Variants in RP1L1 observed in about 807,000 individuals in gnomAD.
The protein encoded by RP1L1 is RP1 like 1.
RP1L1 carries 27 observed loss-of-function variants against 15.7 expected under a neutral mutation model. The observed-to-expected ratio is 1.72, with a 90% CI of 1.27 to 2.38. RP1L1 has a LOEUF of 2.38. Among genes scored for constraint, RP1L1 ranks in the 30% most tolerant of loss-of-function variants. The pLI, the probability that RP1L1 is intolerant of heterozygous loss-of-function variation, is 0.00. For missense variants in RP1L1, 4,798 were observed against 3,075.9 expected (o/e 1.56, Z -13.24); for synonymous variants, 1,813 against 1,276.7 (o/e 1.42, Z -8.96).
intron 2 of RP1L1, among the ~76,000 whole-genome samples, chr8:10,617,270 G>A (rs974859780): frequency 6.6e-6 from 1 of 152,060 alleles, no homozygotes; most frequent in Non-Finnish European, 1.5e-5. Context: ...CTGCAGATCT[G>A]AGGGTTTGCA....
Position 10,651,676 on chromosome 8 carries a change from G to A in RP1L1, c.-20+3222C>T, listed in dbSNP as rs554286230. Among the ~76,000 whole-genome samples, 242 of 150,300 alleles carry A rather than the reference G, an allele frequency of 1.6e-3. 1 individual carries two copies. Among genetic ancestry groups the A allele is most frequent in the African/African-American group, 5.6e-3 (230 of 40,792 alleles). ...GGAGGCTGAGGCAGGAGAATCCCTT[G>A]AACTCAGGAGGCGGAGGCTGCAGTG... On this transcript the variant is annotated intron_variant, in intron 1 of 3. Transcript: ENST00000382483.
intron 1 of RP1L1, among the ~76,000 whole-genome samples, chr8:10,651,598 G>T (rs1000981552): frequency 1.3e-5 from 2 of 151,730 alleles, no homozygotes; most frequent in Non-Finnish European, 2.9e-5. Flanking sequence ...GTGGTGTCAC[G>T]TGCCTGTAGT....
Position 10,606,953 on chromosome 8 carries a change from G to A in RP1L1, c.7145C>T (p.Ala2382Val), listed in dbSNP as rs562953098. ...TGCCCTGCCCACTGCCTCAGTGGGG[G>A]CGAGACTTCCGAGTGCCTGGTCCTC... Reference protein sequence around the residue: ...LQEDQALGSLAPTEAVGRADG... With the variant: ...LQEDQALGSLVPTEAVGRADG... Residue 2382 changes from alanine to valine, a missense_variant, in exon 4 of 4, where the codon GCC becomes GTC. Ala to Val is a moderately conservative substitution (Grantham distance 64). Transcript: ENST00000382483. The A allele has an allele frequency of 3.4e-4, 543 of 1,614,244 alleles. 12 individuals carry two copies. The South Asian group carries it at 5.7e-3, about 17-fold the overall frequency.
At position 10,615,065 on chromosome 8, in the gene RP1L1, C is replaced by T. The variant is rs556524265; in HGVS notation, c.751+1381G>A. Among the ~76,000 whole-genome samples the T allele has an allele frequency of 6.6e-5, 10 of 152,308 alleles. No individual in the cohort carries two copies. The East Asian group carries it at 1.7e-3, about 26-fold the overall frequency. ...AGAAGATGGCTTTGCCCAGTCCTGGCCCTCCACAGGGACCAAATGAGACTG... is the reference window on the plus strand; with the variant it reads ...AGAAGATGGCTTTGCCCAGTCCTGGTCCTCCACAGGGACCAAATGAGACTG... On this transcript the variant is annotated intron_variant, in intron 3 of 3. Coordinates refer to ENST00000382483, the MANE Select transcript of RP1L1 (RefSeq NM_178857.6).
chr8:10,615,127 C>T (rs1797944393), intron 3 of RP1L1, among the ~76,000 whole-genome samples: 1 of 152,144 alleles, frequency 6.6e-6, no homozygotes, highest in Non-Finnish European at 1.5e-5. Context: ...GTAAACTGTC[C>T]TTGTGCCTCC....
rs570304115 is a variant in RP1L1 at position 10,625,764 on chromosome 8, G to A, written c.-19-2544C>T. ...AGGAGCAGAGGGCCTGGCAGGAAGC[G>A]GGGAGCTGTGGTGGGTGGTCTCAGT... On this transcript the variant is annotated intron_variant, in intron 1 of 3. Coordinates refer to ENST00000382483, the MANE Select transcript of RP1L1 (RefSeq NM_178857.6). 3.9e-5 allele frequency among the ~76,000 whole-genome samples: 6 copies of A among 152,264 alleles called. No homozygotes were observed. In the East Asian group the frequency reaches 5.8e-4, roughly 15 times the overall value.
intron 1 of RP1L1, among the ~76,000 whole-genome samples, chr8:10,647,049 C>T (rs946766570): frequency 3.3e-5 from 5 of 152,220 alleles, no homozygotes; most frequent in Non-Finnish European, 7.3e-5. Flanking sequence ...ATAAAGGCCA[C>T]GCATCCTCAT....
intron 1 of RP1L1, among the ~76,000 whole-genome samples, chr8:10,653,114 A>G (rs1478101952): frequency 1.3e-5 from 2 of 152,176 alleles, no homozygotes; most frequent in African/African-American, 4.8e-5. Flanking sequence ...TGACAGATTG[A>G]TTTACTGACT....
rs757116046 is a variant in RP1L1, at chr8:10,611,335, C to A, written c.2763G>T (p.Gly921=). The part of the protein sequence containing the change: ...SSASQGAGSR[G]LSEEKTLRSG... The stretch of plus-strand genomic sequence containing the variant: ...TCCTCAAGGTCTTCTCCTCGGACAG[C>A]CCCCGAGACCCCGCACCCTGGCTGG... The change falls in exon 4 of 4, where the codon GGG becomes GGT. Residue 921 remains glycine (G), a synonymous_variant. Coordinates refer to ENST00000382483, the MANE Select transcript of RP1L1 (RefSeq NM_178857.6). 1 of 1,612,224 alleles carries A rather than the reference C, an allele frequency of 6.2e-7. No individual in the cohort carries two copies. Among genetic ancestry groups the A allele is most frequent in the South Asian group, 1.1e-5 (1 of 91,068 alleles).
In RP1L1 at chr8:10,611,722, C is replaced by CG. The variant is rs750415645; in HGVS notation, c.2375_2376insC (p.Glu794GlyfsTer21). 1.9e-6 allele frequency: 3 copies of CG among 1,613,648 alleles called. No individual in the cohort carries two copies. The highest frequency in any genetic ancestry group is 8.5e-7 in the Non-Finnish European group (1 of 1,179,996). On this transcript the variant is annotated frameshift_variant, in exon 4 of 4. Coordinates refer to ENST00000382483, the MANE Select transcript of RP1L1 (RefSeq NM_178857.6). LOFTEE classifies it low-confidence loss of function (END_TRUNC). ...GAGGCGTGTCCCTGGCCTCTTCCCC[C>CG]AGGCTGGCAGCCCCAGATTTTGAGC...
chr8:10,622,156 T>C (rs1585979263), intron 2 of RP1L1, among the ~76,000 whole-genome samples: 1 of 151,974 alleles, frequency 6.6e-6, no homozygotes, highest in African/African-American at 2.4e-5. Flanking sequence ...ACCCTGTCTC[T>C]ACTAAAACTA....
At position 10,606,999 on chromosome 8, in the gene RP1L1, TG is replaced by T; in HGVS notation, c.7098del (p.Ser2367ValfsTer32). 6.2e-7 allele frequency: 1 copy of T among 1,614,206 alleles called. No homozygotes were observed. The highest frequency in any genetic ancestry group is 8.5e-7 in the Non-Finnish European group (1 of 1,180,036). On this transcript the variant is annotated frameshift_variant, in exon 4 of 4. Transcript: ENST00000382483. LOFTEE classifies it low-confidence loss of function (END_TRUNC). ...PLGSRTPEQG[A>X]SEGYDLQEDQ... is the part of the protein sequence containing the mutation. ...TCCTCTTGTAGGTCATAACCTTCAC[TG>T]GCCCCCTGCTCTGGAGTCCTTGAGC...
intron 1 of RP1L1, among the ~76,000 whole-genome samples, chr8:10,646,756 T>C (rs1563141235): frequency 6.6e-6 from 1 of 152,216 alleles, no homozygotes; most frequent in South Asian, 2.1e-4. Context: ...TACGTGACTT[T>C]AGGCCACTGA....
At chr8:10,646,465 G>A (rs146982046) in intron 1 of RP1L1, among the ~76,000 whole-genome samples, 59 of 152,224 alleles carry the variant, frequency 3.9e-4, no homozygotes, top group African/African-American at 1.3e-3. Context: ...GATTTTGCCC[G>A]TTATTGGAGC....
chr8:10,615,084 G>A (rs1370679606), intron 3 of RP1L1, among the ~76,000 whole-genome samples: 5 of 152,180 alleles, frequency 3.3e-5, no homozygotes, highest in African/African-American at 1.2e-4. Flanking sequence ...GGGACCAAAT[G>A]AGACTGGACA....
chr8:10,637,105 G>A (rs191855052), intron 1 of RP1L1, among the ~76,000 whole-genome samples: 22 of 152,322 alleles, frequency 1.4e-4, no homozygotes, highest in Admixed American at 1.3e-3. Flanking sequence ...AAGAATGCAA[G>A]GTTCGCTCAG....
chr8:10,649,614 C>T (rs1380739331), intron 1 of RP1L1, among the ~76,000 whole-genome samples: 1 of 152,202 alleles, frequency 6.6e-6, no homozygotes, highest in African/African-American at 2.4e-5. Flanking sequence ...TGCGGTGGCT[C>T]ATGCCTGTAA....
intron 1 of RP1L1, among the ~76,000 whole-genome samples, chr8:10,631,202 AACACAC>A (rs147917321): frequency 2.2e-4 from 33 of 150,186 alleles, no homozygotes; most frequent in East Asian, 4.0e-4. Flanking sequence ...CACCTGCAAA[AACACAC>A]ACACACACAC....
intron 1 of RP1L1, among the ~76,000 whole-genome samples, chr8:10,627,039 G>C (rs1025000776): frequency 6.6e-6 from 1 of 152,180 alleles, no homozygotes; most frequent in Non-Finnish European, 1.5e-5. Context: ...CTGGTGGGAA[G>C]GTCAAATGAT....
Sources: gnomAD v4.1 joint callset for allele counts (sites outside exome capture counted in the v4.1 genomes callset) on GRCh38, gnomAD v4.1.1 for gene constraint, MANE v1.5 for transcripts, NCBI Gene and HGNC (gene_info 2026-07-23, HGNC 2026-07-21) for gene names.